The following SCML4 variants were observed in gnomAD, a reference collection of about 807,000 sequenced individuals.
SCML4 encodes the protein Scm polycomb group protein like 4.
In SCML4, 34 loss-of-function variants were observed where a neutral mutation model predicts 41.1. The observed-to-expected ratio is 0.83, with a 90% CI of 0.63 to 1.10. The LOEUF (loss-of-function observed/expected upper bound fraction) is 1.10. Ranked by LOEUF, SCML4 falls within the 50% of genes least tolerant of loss-of-function variation. SCML4 has a pLI of 0.00. For missense variants in SCML4, 522 were observed against 534.1 expected (o/e 0.98, Z 0.22); for synonymous variants, 214 against 220.9 (o/e 0.97, Z 0.28).
At chr6:107,801,803 G>A (rs543970498) in intron 1 of SCML4, among the ~76,000 whole-genome samples, 4 of 151,280 alleles carry the variant, frequency 2.6e-5, no homozygotes, top group Admixed American at 6.6e-5. Context: ...TCCTGAGACC[G>A]AGCCTTGCTC....
chr6:107,756,435 C>A (rs1317173689), intron 2 of SCML4, among the ~76,000 whole-genome samples: 1 of 152,128 alleles, frequency 6.6e-6, no homozygotes. Flanking sequence ...ACAAAATACC[C>A]AACCAGTACT....
chr6:107,755,694 G>C, intron 2 of SCML4: 1 of 1,110,442 alleles, frequency 9.0e-7, no homozygotes, highest in East Asian at 5.6e-5. Context: ...TGTCTATTTT[G>C]TTTTTTAAAT....
At chr6:107,719,424 G>A (rs1239657772) in intron 6 of SCML4, 1 of 152,342 alleles carries the variant, frequency 6.6e-6, no homozygotes, top group Non-Finnish European at 1.5e-5. Flanking sequence ...GCTTGCTGGG[G>A]TCACTGGTGG....
chr6:107,793,113 G>A (rs1015151627), intron 1 of SCML4, among the ~76,000 whole-genome samples: 12 of 152,170 alleles, frequency 7.9e-5, no homozygotes, highest in African/African-American at 2.7e-4. Flanking sequence ...CAAGGTGGAG[G>A]CACAATGTGG....
Position 107,802,585 on chromosome 6 carries a change from A to AG in SCML4, c.-60+21540dup, listed in dbSNP as rs1562272876. ...ATTGGCTCGAGGGAGGGAGGGAGGAAGGAAGGAAGGAAGGAAGGAAGGAAG... is the reference window on the plus strand; with the variant it reads ...ATTGGCTCGAGGGAGGGAGGGAGGAAGGGAAGGAAGGAAGGAAGGAAGGAAG... On this transcript the variant is annotated intron_variant, in intron 1 of 7. Coordinates refer to ENST00000369020, the MANE Select transcript of SCML4 (RefSeq NM_198081.5). Among the ~76,000 whole-genome samples the AG allele has an allele frequency of 9.8e-5, 10 of 102,164 alleles. No individual in the cohort carries two copies. The East Asian group carries it at 2.7e-3, about 28-fold the overall frequency. The allele number at this position is 102,164 out of a possible 152,430, so 67.0% of individuals were successfully genotyped here.
chr6:107,732,985 T>C (rs995267380), intron 5 of SCML4, among the ~76,000 whole-genome samples: 5 of 152,236 alleles, frequency 3.3e-5, no homozygotes, highest in African/African-American at 1.2e-4. Flanking sequence ...AGCAAGTTGC[T>C]GTGCTGTGAG....
At position 107,702,893 on chromosome 6, in the gene SCML4, G is replaced by A. The variant is rs552176873; in HGVS notation, c.*2307C>T. The stretch of plus-strand genomic sequence containing the variant: ...ATGGCTAAAGCATTCTGAGTCACAG[G>A]ATGAGACAGGAGGTCAGCACAAGAT... On this transcript the variant is annotated 3_prime_UTR_variant, in exon 8 of 8. Coordinates refer to ENST00000369020, the MANE Select transcript of SCML4 (RefSeq NM_198081.5). Among the ~76,000 whole-genome samples the A allele has an allele frequency of 6.6e-6, 1 of 152,312 alleles. No individual in the cohort carries two copies. Among genetic ancestry groups the A allele is most frequent in the East Asian group, 1.9e-4 (1 of 5,184 alleles).
At chr6:107,705,581 G>A (rs1773530015) in intron 7 of SCML4, among the ~76,000 whole-genome samples, 1 of 152,076 alleles carries the variant, frequency 6.6e-6, no homozygotes, top group Admixed American at 6.6e-5. Flanking sequence ...CTCATAGAAG[G>A]AATCAAACAC....
chr6:107,840,667 T>C, the SCML4 span, among the ~76,000 whole-genome samples: 1 of 152,074 alleles, frequency 6.6e-6, no homozygotes. Context: ...AGAGAAAAAT[T>C]AAGTAGCGAA....
At chr6:107,843,006 T>A in the SCML4 span, among the ~76,000 whole-genome samples, 1 of 152,064 alleles carries the variant, frequency 6.6e-6, no homozygotes, top group Non-Finnish European at 1.5e-5. Flanking sequence ...TATTTTTCAT[T>A]CTTCTACTTA....
chr6:107,843,931 AAGAG>A, the SCML4 span, among the ~76,000 whole-genome samples: 76,247 of 150,232 alleles, frequency 0.51, 22,245 homozygotes, highest in South Asian at 0.7. Context: ...CACTGAGAGG[AAGAG>A]AGAGAGAGAG....
chr6:107,729,406 CCTT>C (rs1447502072), intron 5 of SCML4, among the ~76,000 whole-genome samples: 1 of 152,188 alleles, frequency 6.6e-6, no homozygotes, highest in East Asian at 1.9e-4. Flanking sequence ...GTCCAAATTT[CCTT>C]CTTCTTCTAA....
At chr6:107,820,292 G>A (rs989246137) in intron 1 of SCML4, among the ~76,000 whole-genome samples, 8 of 152,170 alleles carry the variant, frequency 5.3e-5, no homozygotes, top group Non-Finnish European at 8.8e-5. Context: ...ATCACCACTT[G>A]CCCTCCAGAT....
intron 1 of SCML4, among the ~76,000 whole-genome samples, chr6:107,817,894 G>A (rs952280894): frequency 6.6e-6 from 1 of 152,022 alleles, no homozygotes; most frequent in Non-Finnish European, 1.5e-5. Context: ...AGCAACACAC[G>A]GTTGTACAGT....
At chr6:107,739,818 G>A (rs1777422214) in intron 5 of SCML4, among the ~76,000 whole-genome samples, 1 of 152,126 alleles carries the variant, frequency 6.6e-6, no homozygotes, top group Admixed American at 6.5e-5. Flanking sequence ...TACTCTAAAG[G>A]CAAACTCCCT....
At position 107,790,897 on chromosome 6, in the gene SCML4, C is replaced by G. The variant is rs185558338; in HGVS notation, c.-59-18511G>C. Among the ~76,000 whole-genome samples the G allele has an allele frequency of 3.0e-3, 459 of 152,218 alleles. 3 individuals carry two copies. The highest frequency in any genetic ancestry group is 0.011 in the African/African-American group (445 of 41,510). ...CCAGACTGGCCAACATGGTGAAACCCTGTATCTACTAAAAATACAAAAATT... is the reference window on the plus strand; with the variant it reads ...CCAGACTGGCCAACATGGTGAAACCGTGTATCTACTAAAAATACAAAAATT... On this transcript the variant is annotated intron_variant, in intron 1 of 7. Coordinates refer to ENST00000369020, the MANE Select transcript of SCML4 (RefSeq NM_198081.5).
At chr6:107,745,166 G>T (rs1382979959) in intron 4 of SCML4, 23 bp from the exon 5 acceptor site, 17 of 1,523,156 alleles carry the variant, frequency 1.1e-5, no homozygotes, top group African/African-American at 1.4e-5. Context: ...AGAGATGTCA[G>T]CTTAGAGCCG....
intron 1 of SCML4, among the ~76,000 whole-genome samples, chr6:107,789,337 G>A (rs1419598654): frequency 2.6e-5 from 4 of 152,192 alleles, no homozygotes; most frequent in African/African-American, 9.7e-5. Flanking sequence ...TTTGTGGGTA[G>A]ACGGGAGGGA....
chr6:107,736,899 C>G (rs1042052071), intron 5 of SCML4, among the ~76,000 whole-genome samples: 1 of 152,194 alleles, frequency 6.6e-6, no homozygotes, highest in Admixed American at 6.5e-5. Context: ...ATCTTCCACC[C>G]CCTGCCATCT....
Sources: allele counts gnomAD v4.1 joint callset (sites outside exome capture counted in the v4.1 genomes callset), GRCh38; gene constraint gnomAD v4.1.1; transcripts MANE v1.5; gene names NCBI Gene and HGNC (gene_info 2026-07-23, HGNC 2026-07-21).